The following DCLK1 variants were observed in gnomAD, a reference collection of about 807,000 sequenced individuals.
DCLK1 encodes the protein serine/threonine-protein kinase DCLK1.
In DCLK1, 16 loss-of-function variants were observed where a neutral mutation model predicts 86.2. That is an observed-to-expected ratio of 0.19 (90% CI 0.13 to 0.28). The LOEUF is 0.28. Among genes scored for constraint, DCLK1 ranks in the 10% least tolerant of loss-of-function variants. DCLK1 has a pLI of 1.00. For missense variants in DCLK1, 590 were observed against 940.2 expected, an observed-to-expected ratio of 0.63 and a Z score of 4.87; for synonymous variants, 369 against 370.5, an observed-to-expected ratio of 1.00 and a Z score of 0.05.
intron 3 of DCLK1, among the ~76,000 whole-genome samples, chr13:35,982,745 G>A (rs958260254): frequency 1.3e-5 from 2 of 151,960 alleles, no homozygotes; most frequent in Admixed American, 1.3e-4. Flanking sequence ...AAAGTCCATT[G>A]ATTAGTGTGA....
intron 11 of DCLK1, among the ~76,000 whole-genome samples, chr13:35,811,708 C>T (rs2087149546): frequency 6.6e-6 from 1 of 151,958 alleles, no homozygotes; most frequent in Admixed American, 6.6e-5. Context: ...GTGGCGGGCA[C>T]CTGTAATCTC....
intron 3 of DCLK1, among the ~76,000 whole-genome samples, chr13:36,107,672 T>A (rs979623215): frequency 6.6e-6 from 1 of 152,100 alleles, no homozygotes; most frequent in African/African-American, 2.4e-5. Flanking sequence ...ATAGTATAAA[T>A]CACCTACTTA....
chr13:35,914,636 A>G (rs1277726721), intron 4 of DCLK1, among the ~76,000 whole-genome samples: 1 of 150,384 alleles, frequency 6.6e-6, no homozygotes, highest in Non-Finnish European at 1.5e-5. Flanking sequence ...TGATCCCTTG[A>G]GCTGGAGAGG....
At chr13:35,879,117 A>G (rs562771549) in intron 4 of DCLK1, among the ~76,000 whole-genome samples, 1 of 152,340 alleles carries the variant, frequency 6.6e-6, no homozygotes, top group Admixed American at 6.5e-5. Context: ...CACAAAAGTG[A>G]AAAAGAAGGC....
chr13:36,118,874 C>A (rs1885883716), intron 2 of DCLK1, among the ~76,000 whole-genome samples: 1 of 152,180 alleles, frequency 6.6e-6, no homozygotes, highest in Admixed American at 6.5e-5. Context: ...CACTTCCTCA[C>A]AGATGGTGCC....
chr13:35,793,407 G>T lies in DCLK1; in HGVS notation c.2017C>A (p.Pro673Thr). The change falls in exon 16 of 17, where the codon CCC (proline) becomes ACC (threonine). Residue 673 changes from proline (P) to threonine (T), a missense_variant. By Grantham distance (38) the Pro-to-Thr change is conservative. Coordinates refer to ENST00000360631, the MANE Select transcript of DCLK1 (RefSeq NM_001330071.2). ...CCAGCTGCTGTGCTATTCGGCTTGG[G>T]GCCTGTGTTGAAATGCTTCTTTATC... is the stretch of plus-strand genomic sequence containing the variant. ...GKIKKHFNTGPKPNSTAAGVS... is the reference protein window; with the variant it reads ...GKIKKHFNTGTKPNSTAAGVS... 6.2e-7 allele frequency: 1 copy of T among 1,609,260 alleles called. No homozygotes were observed. The highest frequency in any genetic ancestry group is 8.5e-7 in the Non-Finnish European group (1 of 1,177,456).
chr13:35,804,732 C>G lies in DCLK1; in HGVS notation c.1944+967G>C, dbSNP rs191840159. 3.9e-5 allele frequency among the ~76,000 whole-genome samples: 6 copies of G among 152,276 alleles called. No homozygotes were observed. In the South Asian group the frequency reaches 8.3e-4, roughly 21 times the overall value. On this transcript the variant is annotated intron_variant, in intron 15 of 16. Coordinates refer to ENST00000360631, the MANE Select transcript of DCLK1 (RefSeq NM_001330071.2). ...ACAGGCGTGAGGCACTGCGCCCAGC[C>G]AACTATGAGTATTATTAATCAAAAC...
At chr13:35,781,515 C>T (rs1414171908) in intron 16 of DCLK1, among the ~76,000 whole-genome samples, 1 of 152,212 alleles carries the variant, frequency 6.6e-6, no homozygotes, top group African/African-American at 2.4e-5. Context: ...TTCCGCAATG[C>T]TTGCAGGATT....
chr13:35,822,408 A>G (rs1255224692), intron 11 of DCLK1, among the ~76,000 whole-genome samples: 1 of 152,148 alleles, frequency 6.6e-6, no homozygotes, highest in Non-Finnish European at 1.5e-5. Context: ...AAAAGTGCCT[A>G]AGATAAATGA....
At chr13:35,814,449 C>A (rs2087223733) in intron 11 of DCLK1, among the ~76,000 whole-genome samples, 1 of 152,216 alleles carries the variant, frequency 6.6e-6, no homozygotes, top group South Asian at 2.1e-4. Context: ...TGACTTGTTA[C>A]TTGGCGTTCC....
At chr13:36,124,087 C>T (rs1427694487) in intron 2 of DCLK1, among the ~76,000 whole-genome samples, 1 of 152,206 alleles carries the variant, frequency 6.6e-6, no homozygotes, top group Non-Finnish European at 1.5e-5. Context: ...CCATGGCTGT[C>T]TTAGGATGTG....
chr13:35,997,567 G>A (rs1880526820), intron 3 of DCLK1, among the ~76,000 whole-genome samples: 1 of 152,210 alleles, frequency 6.6e-6, no homozygotes, highest in African/African-American at 2.4e-5. Flanking sequence ...TGATCATGAG[G>A]TGGTGTTGGC....
At chr13:35,779,479 A>G (rs1372499111) in intron 16 of DCLK1, among the ~76,000 whole-genome samples, 2 of 152,176 alleles carry the variant, frequency 1.3e-5, no homozygotes, top group Non-Finnish European at 2.9e-5. Flanking sequence ...CATTTTCCAG[A>G]TGATTAGTAG....
chr13:35,889,603 C>T (rs1339732203), intron 4 of DCLK1, among the ~76,000 whole-genome samples: 1 of 152,120 alleles, frequency 6.6e-6, no homozygotes, highest in African/African-American at 2.4e-5. Flanking sequence ...ATGTAGAAGA[C>T]ATTCTGTAAT....
At chr13:35,850,891 T>C (rs1477947689) in intron 6 of DCLK1, 4 of 807,224 alleles carry the variant, frequency 5.0e-6, no homozygotes, top group Non-Finnish European at 7.1e-6. Flanking sequence ...TTAGACCTTT[T>C]CAAGTCACCA....
At chr13:35,966,560 G>A (rs147362141) in intron 3 of DCLK1, among the ~76,000 whole-genome samples, 23,525 of 136,960 alleles carry the variant, frequency 0.17, 1,958 homozygotes, top group East Asian at 0.23. Context: ...GCTGAGCGGA[G>A]GCTGGACTGT....
chr13:36,081,176 G>GA (rs1381098338), intron 3 of DCLK1, among the ~76,000 whole-genome samples: 2 of 151,890 alleles, frequency 1.3e-5, no homozygotes, highest in Non-Finnish European at 2.9e-5. Context: ...ACTTTTAAAA[G>GA]AAAAAAATTA....
At chr13:35,838,069 A>AG in intron 7 of DCLK1, among the ~76,000 whole-genome samples, 1 of 151,542 alleles carries the variant, frequency 6.6e-6, no homozygotes, top group African/African-American at 2.4e-5. Flanking sequence ...CCATCTCAAA[A>AG]AAAAAAAGAA....
chr13:36,091,490 GT>G (rs1173607702), intron 3 of DCLK1, among the ~76,000 whole-genome samples: 1 of 152,200 alleles, frequency 6.6e-6, no homozygotes, highest in East Asian at 1.9e-4. Context: ...GTAAGGGCTT[GT>G]TATGTGATGA....
Sources: gnomAD v4.1 joint callset for allele counts (sites outside exome capture counted in the v4.1 genomes callset) on GRCh38, gnomAD v4.1.1 for gene constraint, MANE v1.5 for transcripts, NCBI Gene and HGNC (gene_info 2026-07-23, HGNC 2026-07-21) for gene names.